Variants in TM7SF2 observed in about 807,000 individuals in gnomAD.
The protein encoded by TM7SF2 is delta(14)-sterol reductase TM7SF2.
A neutral mutation model predicts 51.0 loss-of-function variants in TM7SF2; 51 were observed. That is an observed-to-expected ratio of 1.00 (90% CI 0.80 to 1.26). TM7SF2 has a LOEUF of 1.26. Ranked by LOEUF, TM7SF2 falls within the 50% of genes most tolerant of loss-of-function variation. TM7SF2 has a pLI of 0.00. For synonymous variants in TM7SF2, 255 were observed against 241.0 expected, an observed-to-expected ratio of 1.06 and a Z score of -0.54; for missense variants, 541 against 547.4, an observed-to-expected ratio of 0.99 and a Z score of 0.12.
intron 9 of TM7SF2, 56 bp downstream of exon 9, chr11:65,115,654 C>A: frequency 6.2e-7 from 1 of 1,610,958 alleles, no homozygotes; most frequent in Admixed American, 1.7e-5. Context: ...GGTGGCTCAG[C>A]GACCACAGGA....
In TM7SF2 at chr11:65,115,381, C is replaced by T. The variant is rs1414437729; in HGVS notation, c.960C>T (p.Asp320=). 8 of 1,614,100 alleles carry T rather than the reference C, an allele frequency of 5.0e-6. No individual in the cohort carries two copies. Among genetic ancestry groups the T allele is most frequent in the Admixed American group, 3.3e-5 (2 of 60,010 alleles). ...QKNTFRKNPS[D]PRVAGLETIS... Reference sequence around the variant, plus strand: ...ACACTTTCCGAAAGAATCCTTCTGACCCCAGAGTGGCTGGTGAGCTGGTTC... The same window carrying T: ...ACACTTTCCGAAAGAATCCTTCTGATCCCAGAGTGGCTGGTGAGCTGGTTC... The change falls in exon 8 of 10, where the codon GAC becomes GAT. Residue 320 remains aspartate (D), a synonymous_variant. Transcript: ENST00000279263.
At chr11:65,113,681 G>A in intron 5 of TM7SF2, 87 bp downstream of exon 5, 2 of 1,117,494 alleles carry the variant, frequency 1.8e-6, no homozygotes, top group Non-Finnish European at 2.7e-6. Flanking sequence ...GGCCAAAACT[G>A]TGCAGATGCG....
In TM7SF2 at chr11:65,115,937, G is replaced by A. The variant is rs1947976667; in HGVS notation, c.1141G>A (p.Ala381Thr). The part of the protein sequence containing the change: ...LPYFYLLYFT[A>T]LLVHREARDE... ...CTACTTCTACCTCCTCTACTTCACCGCGCTGCTGGTGCACCGTGAGGCCCG... is the reference window on the plus strand; with the variant it reads ...CTACTTCTACCTCCTCTACTTCACCACGCTGCTGGTGCACCGTGAGGCCCG... The change falls in exon 10 of 10, where the codon GCG becomes ACG. Residue 381 changes from alanine to threonine, a missense_variant. Physicochemically the swap from Ala to Thr is moderately conservative, Grantham distance 58. Coordinates refer to ENST00000279263, the MANE Select transcript of TM7SF2 (RefSeq NM_003273.6). 5.6e-6 allele frequency: 9 copies of A among 1,613,986 alleles called. No individual in the cohort carries two copies. Among genetic ancestry groups the A allele is most frequent in the Non-Finnish European group, 7.6e-6 (9 of 1,180,012 alleles).
In TM7SF2 at chr11:65,112,794, C is replaced by A; in HGVS notation, c.250-17C>A. 6.5e-7 allele frequency: 1 copy of A among 1,550,130 alleles called. No individual in the cohort carries two copies. The highest frequency in any genetic ancestry group is 8.7e-7 in the Non-Finnish European group (1 of 1,146,824). On this transcript the variant is annotated splice_polypyrimidine_tract_variant and intron_variant, in intron 2 of 9. Transcript: ENST00000279263. ...AAGGACGCCCCGGGCCTTATCAGAG[C>A]CCCCTTGGACCCGCAGGTGGCCGAG... is the stretch of plus-strand genomic sequence containing the variant.
intron 3 of TM7SF2, 27 bp from the exon 4 acceptor site, chr11:65,113,193 C>G: frequency 6.4e-7 from 1 of 1,560,508 alleles, no homozygotes; most frequent in Middle Eastern, 1.8e-4. Context: ...CGCGCAGCCC[C>G]AGGGCTCACT....
chr11:65,115,490 T>C lies in TM7SF2; in HGVS notation c.988T>C (p.Ser330Pro). ...TCTTTCCCCAGGGCTTGAGACCATC[T>C]CTACAGCCACAGGGCGGAAACTGCT... ...DPRVAGLETI[S>P]TATGRKLLVS... Residue 330 changes from serine to proline, a missense_variant, in exon 9 of 10, where the codon TCT becomes CCT. Transcript: ENST00000279263. 6.2e-7 allele frequency: 1 copy of C among 1,614,128 alleles called. No homozygotes were observed. The highest frequency in any genetic ancestry group is 1.3e-5 in the African/African-American group (1 of 75,030).
Position 65,115,887 on chromosome 11 carries a change from C to G in TM7SF2, c.1097-6C>G, listed in dbSNP as rs774056804. On this transcript the variant is annotated splice_region_variant and splice_polypyrimidine_tract_variant and intron_variant, in intron 9 of 9. Transcript: ENST00000279263. The stretch of plus-strand genomic sequence containing the variant: ...CAGGGTGGTCACAGAGCCTCCTTCT[C>G]TACAGGGGTGTCACACCTGCTGCCC... 3.7e-6 allele frequency: 6 copies of G among 1,614,072 alleles called. No individual in the cohort carries two copies. The highest frequency in any genetic ancestry group is 5.1e-6 in the Non-Finnish European group (6 of 1,180,004).
chr11:65,113,157 G>C, intron 3 of TM7SF2, 63 bp from the exon 4 acceptor site: 1 of 1,472,116 alleles, frequency 6.8e-7, no homozygotes, highest in Non-Finnish European at 9.0e-7. Context: ...GGCTCTGCGT[G>C]TGTTTGCGGG....
In TM7SF2 at chr11:65,113,378, G is replaced by GC. The variant is rs1415929651; in HGVS notation, c.467dup (p.Val157SerfsTer37). 4.3e-6 allele frequency: 7 copies of GC among 1,614,042 alleles called. No individual in the cohort carries two copies. Among genetic ancestry groups the GC allele is most frequent in the Non-Finnish European group, 5.9e-6 (7 of 1,180,044 alleles). ...CTTTCTCTACATGAAGGCGCAGGTA[G>GC]CCCCAGTTTCGGCCCTGGCACCTGG... On this transcript the variant is annotated frameshift_variant, in exon 4 of 10. Coordinates refer to ENST00000279263, the MANE Select transcript of TM7SF2 (RefSeq NM_003273.6). LOFTEE classifies it high-confidence loss of function.
At chr11:65,115,777 C>T (rs749732978) in intron 9 of TM7SF2, 116 bp from the exon 10 acceptor site, 15 of 1,581,780 alleles carry the variant, frequency 9.5e-6, no homozygotes, top group Non-Finnish European at 1.2e-5. Flanking sequence ...TGCTGCAGAC[C>T]CTGGCGCTTT....
At chr11:65,113,022 C>T (rs1334038460) in intron 3 of TM7SF2, 157 bp downstream of exon 3, 9 of 1,066,754 alleles carry the variant, frequency 8.4e-6, no homozygotes, top group South Asian at 6.5e-5. Flanking sequence ...CTATGCCCCT[C>T]GTCCCCACAG....
rs1381923795 is a variant in TM7SF2, at chr11:65,112,824, A to G, written c.263A>G (p.Gln88Arg). The change falls in exon 3 of 10, where the codon CAG becomes CGG. Residue 88 changes from glutamine (Q) to arginine (R), a missense_variant. Physicochemically the swap from Gln to Arg is conservative, Grantham distance 43 (BLOSUM62 1). Transcript: ENST00000279263. ...TTGGACCCGCAGGTGGCCGAGGGGC[A>G]GGAATTGAAGGACAAGAGTCGCCTG... ...LLPARKVAEGQELKDKSRLRY... is the reference protein window; with the variant it reads ...LLPARKVAEGRELKDKSRLRY... The G allele has an allele frequency of 2.6e-6, 4 of 1,550,406 alleles. No individual in the cohort carries two copies. In the Middle Eastern group the frequency reaches 6.7e-4, roughly 259 times the overall value.
At position 65,112,554 on chromosome 11, in the gene TM7SF2, T is replaced by C; in HGVS notation, c.92T>C (p.Phe31Ser). 9 of 1,531,158 alleles carry C rather than the reference T, an allele frequency of 5.9e-6. No homozygotes were observed. Among genetic ancestry groups the C allele is most frequent in the Non-Finnish European group, 7.0e-6 (8 of 1,148,350 alleles). 94.8% of individuals were successfully genotyped at this position (1,531,158 alleles called of 1,614,324 possible). The change falls in exon 2 of 10, where the codon TTC becomes TCC. Residue 31 changes from phenylalanine to serine, a missense_variant. Transcript: ENST00000279263. The part of the protein sequence containing the change: ...ALLLLLPATM[F>S]HLLLAARSGP... ...CTACTGCTGCTGCCCGCCACCATGT[T>C]CCACCTGCTCCTGGCGGCCCGTTCG... is the stretch of plus-strand genomic sequence containing the variant.
Position 65,112,704 on chromosome 11 carries a change from C to T in TM7SF2, c.242C>T (p.Ala81Val), listed in dbSNP as rs544392611. The part of the protein sequence containing the change: ...GLQAALYLLP[A>V]RKVAEGQELK... ...CAGGCGGCGCTCTACCTACTGCCGGCGCGCAAGGTGCGGGCCCCGCTCGCG... is the reference window on the plus strand; with the variant it reads ...CAGGCGGCGCTCTACCTACTGCCGGTGCGCAAGGTGCGGGCCCCGCTCGCG... The change falls in exon 2 of 10, where the codon GCG (alanine) becomes GTG (valine). Residue 81 changes from alanine to valine, a missense_variant. By Grantham distance (64) the Ala-to-Val change is moderately conservative. Coordinates refer to ENST00000279263, the MANE Select transcript of TM7SF2 (RefSeq NM_003273.6). 281 of 1,544,974 alleles carry T rather than the reference C, an allele frequency of 1.8e-4. 1 individual carries two copies. The highest frequency in any genetic ancestry group is 2.4e-4 in the Non-Finnish European group (274 of 1,145,622).
In TM7SF2 at chr11:65,116,029, C is replaced by CCGCA. The variant is rs1233098636; in HGVS notation, c.1234_1237dup (p.Ile413ThrfsTer46). 9.3e-6 allele frequency: 15 copies of CCGCA among 1,609,544 alleles called. No homozygotes were observed. The highest frequency in any genetic ancestry group is 1.3e-5 in the Non-Finnish European group (15 of 1,179,850). On this transcript the variant is annotated frameshift_variant, in exon 10 of 10. Coordinates refer to ENST00000279263, the MANE Select transcript of TM7SF2 (RefSeq NM_003273.6). LOFTEE classifies it high-confidence loss of function. Reference sequence around the variant, plus strand: ...AGGAGTACTGCCGGCGTGTGCCTTACCGCATCATGCCCTACATCTACTGAA... The same window carrying CCGCA: ...AGGAGTACTGCCGGCGTGTGCCTTACCGCACGCATCATGCCCTACATCTACTGAA...
At position 65,115,477 on chromosome 11, in the gene TM7SF2, G is replaced by T; in HGVS notation, c.975G>T (p.Gly325=). The change falls in exon 9 of 10, where the codon GGG becomes GGT. Residue 325 remains glycine (G), a splice_region_variant and synonymous_variant. Transcript: ENST00000279263. ...RKNPSDPRVA[G]LETISTATGR... is the part of the protein sequence containing the mutation. Reference sequence around the variant, plus strand: ...CTCCACCCTGCTGTCTTTCCCCAGGGCTTGAGACCATCTCTACAGCCACAG... The same window carrying T: ...CTCCACCCTGCTGTCTTTCCCCAGGTCTTGAGACCATCTCTACAGCCACAG... 1 of 1,614,144 alleles carries T rather than the reference G, an allele frequency of 6.2e-7. No homozygotes were observed. Among genetic ancestry groups the T allele is most frequent in the South Asian group, 1.1e-5 (1 of 91,076 alleles).
Position 65,116,030 on chromosome 11 carries a change from C to T in TM7SF2, c.1234C>T (p.Arg412Cys), listed in dbSNP as rs1458848167. 4 of 1,609,602 alleles carry T rather than the reference C, an allele frequency of 2.5e-6. No individual in the cohort carries two copies. The highest frequency in any genetic ancestry group is 2.0e-4 in the Middle Eastern group (1 of 5,110). Residue 412 changes from arginine to cysteine, a missense_variant, in exon 10 of 10, where the codon CGC becomes TGC. Transcript: ENST00000279263. ...GGAGTACTGCCGGCGTGTGCCTTAC[C>T]GCATCATGCCCTACATCTACTGAAG... The part of the protein sequence containing the change: ...WQEYCRRVPY[R>C]IMPYIY
intron 9 of TM7SF2, 38 bp downstream of exon 9, chr11:65,115,636 G>C: frequency 6.2e-7 from 1 of 1,611,908 alleles, no homozygotes; most frequent in South Asian, 1.1e-5. Context: ...GGACATGTGA[G>C]GGGAAGAGGT....
rs1213968031 is a variant in TM7SF2, at chr11:65,113,392, C to T, written c.477C>T (p.Ala159=). Residue 159 remains alanine, a synonymous_variant, in exon 4 of 10, where the codon GCC becomes GCT. Transcript: ENST00000279263. ...AGGCGCAGGTAGCCCCAGTTTCGGC[C>T]CTGGCACCTGGGGGGAACTCAGGTG... is the stretch of plus-strand genomic sequence containing the variant. The part of the protein sequence containing the change: ...YMKAQVAPVS[A]LAPGGNSGNP... 2 of 1,614,066 alleles carry T rather than the reference C, an allele frequency of 1.2e-6. No homozygotes were observed. Among genetic ancestry groups the T allele is most frequent in the Non-Finnish European group, 1.7e-6 (2 of 1,180,030 alleles).
Sources: allele counts gnomAD v4.1 joint callset, GRCh38; gene constraint gnomAD v4.1.1; transcripts MANE v1.5; gene names NCBI Gene and HGNC (gene_info 2026-07-23, HGNC 2026-07-21).